The following AGBL4 variants were observed in gnomAD, a reference collection of about 807,000 sequenced individuals.
The protein encoded by AGBL4 is AGBL carboxypeptidase 4.
Under a neutral mutation model 66.4 loss-of-function variants are expected in AGBL4, and 58 were observed. The ratio of observed to expected loss-of-function variants is 0.87; its 90% CI spans 0.71 to 1.09. The LOEUF (loss-of-function observed/expected upper bound fraction) is 1.09, where lower values mean the gene tolerates loss of function less well. Ranked by LOEUF, AGBL4 falls within the 50% of genes least tolerant of loss-of-function variation. AGBL4 has a pLI of 0.00. For missense variants in AGBL4, 579 were observed against 631.0 expected (o/e 0.92, Z 0.88); for synonymous variants, 234 against 222.9 (o/e 1.05, Z -0.44).
chr1:49,832,922 A>G (rs1401035698), intron 2 of AGBL4, among the ~76,000 whole-genome samples: 1 of 151,392 alleles, frequency 6.6e-6, no homozygotes, highest in African/African-American at 2.4e-5. Context: ...GGTTGTGAAA[A>G]TTTTCTCCCA....
At chr1:49,836,178 C>G (rs886946694) in intron 2 of AGBL4, among the ~76,000 whole-genome samples, 1 of 152,172 alleles carries the variant, frequency 6.6e-6, no homozygotes, top group South Asian at 2.1e-4. Flanking sequence ...TGTTTTCCAA[C>G]TTGGTTCCAT....
intron 6 of AGBL4, among the ~76,000 whole-genome samples, chr1:48,851,366 C>T (rs536131032): frequency 1.1e-4 from 16 of 152,284 alleles, no homozygotes; most frequent in African/African-American, 3.9e-4. Flanking sequence ...GTGGGACCAA[C>T]ACGAGCATGT....
chr1:49,413,420 G>A (rs1341964758), intron 3 of AGBL4, among the ~76,000 whole-genome samples: 1 of 152,154 alleles, frequency 6.6e-6, no homozygotes, highest in Non-Finnish European at 1.5e-5. Context: ...AAGTAAAATT[G>A]CATCAGAAAG....
intron 6 of AGBL4, among the ~76,000 whole-genome samples, chr1:48,828,788 T>C (rs566130050): frequency 6.6e-6 from 1 of 152,318 alleles, no homozygotes; most frequent in East Asian, 1.9e-4. Flanking sequence ...TTTTTTCCTC[T>C]CATATTTGAA....
chr1:48,982,979 C>T (rs1201502877), intron 5 of AGBL4, among the ~76,000 whole-genome samples: 1 of 152,068 alleles, frequency 6.6e-6, no homozygotes, highest in African/African-American at 2.4e-5. Flanking sequence ...CAGGGTTTTA[C>T]AAGAGAGTGA....
intron 4 of AGBL4, among the ~76,000 whole-genome samples, chr1:49,184,841 T>A (rs556543195): frequency 6.6e-6 from 1 of 152,282 alleles, no homozygotes; most frequent in African/African-American, 2.4e-5. Flanking sequence ...AGCCTCAATG[T>A]CCTCATATGA....
intron 10 of AGBL4, among the ~76,000 whole-genome samples, chr1:48,588,656 AGTGTGTGTGTGT>A (rs57683318): frequency 1.4e-5 from 2 of 147,516 alleles, no homozygotes; most frequent in Non-Finnish European, 3.0e-5. Context: ...GAAACAGAGA[AGTGTGTGTGTGT>A]GTGTGTGTGT....
intron 4 of AGBL4, among the ~76,000 whole-genome samples, chr1:49,152,541 C>T (rs575256720): frequency 3.9e-5 from 6 of 152,312 alleles, no homozygotes; most frequent in Middle Eastern, 3.4e-3. Context: ...TGAAAGGCTG[C>T]TGAGGTAAAG....
chr1:49,758,984 T>C (rs974592800), intron 2 of AGBL4, among the ~76,000 whole-genome samples: 4 of 152,158 alleles, frequency 2.6e-5, no homozygotes, highest in African/African-American at 9.7e-5. Flanking sequence ...TGAGAGGTGA[T>C]TGGATCATGG....
In AGBL4 at chr1:49,543,898, G is replaced by GA. The variant is rs577842457; in HGVS notation, c.282+153414dup. ...AGTGGTAGAAAGAAGTTCAGCCCTG[G>GA]AAAAAACAAAAAACTGTTGGATCCA... On this transcript the variant is annotated intron_variant, in intron 3 of 13. Transcript: ENST00000371839. 4.6e-5 allele frequency among the ~76,000 whole-genome samples: 7 copies of GA among 152,128 alleles called. No homozygotes were observed. In the East Asian group the frequency reaches 1.2e-3, roughly 25 times the overall value.
intron 4 of AGBL4, among the ~76,000 whole-genome samples, chr1:49,241,032 T>A (rs1210752668): frequency 6.6e-6 from 1 of 152,062 alleles, no homozygotes; most frequent in Non-Finnish European, 1.5e-5. Context: ...CAAAGCTAAA[T>A]TGATTCAATC....
At chr1:48,869,627 C>A (rs1648449013) in intron 5 of AGBL4, among the ~76,000 whole-genome samples, 1 of 152,100 alleles carries the variant, frequency 6.6e-6, no homozygotes, top group Non-Finnish European at 1.5e-5. Context: ...CTGTCTCTGG[C>A]CTCAAACTTG....
At chr1:49,966,368 T>C (rs1388676312) in intron 1 of AGBL4, among the ~76,000 whole-genome samples, 1 of 152,232 alleles carries the variant, frequency 6.6e-6, no homozygotes, top group Admixed American at 6.5e-5. Context: ...GTAACTTAAG[T>C]ACATTGCATA....
intron 3 of AGBL4, among the ~76,000 whole-genome samples, chr1:49,545,697 C>T (rs1652421297): frequency 6.6e-6 from 1 of 152,008 alleles, no homozygotes; most frequent in Non-Finnish European, 1.5e-5. Flanking sequence ...AAAATTTTAG[C>T]ACAGTTCTTG....
intron 2 of AGBL4, among the ~76,000 whole-genome samples, chr1:49,753,117 T>C (rs191860993): frequency 1.3e-5 from 2 of 152,348 alleles, no homozygotes; most frequent in Non-Finnish European, 2.9e-5. Flanking sequence ...CATATGATGC[T>C]AGCTGGTTAC....
chr1:49,898,718 T>G (rs1289426706), intron 1 of AGBL4, among the ~76,000 whole-genome samples: 1 of 152,118 alleles, frequency 6.6e-6, no homozygotes, highest in Non-Finnish European at 1.5e-5. Context: ...GCAACTCAAG[T>G]GCCTGTAAAT....
chr1:49,523,956 CCATCATCATCAT>C (rs201580756), intron 3 of AGBL4, among the ~76,000 whole-genome samples: 5 of 150,984 alleles, frequency 3.3e-5, no homozygotes, highest in South Asian at 4.2e-4. Context: ...AGCATTATCA[CCATCATCATCAT>C]CATCATCATC....
At chr1:49,929,614 T>A (rs1167580576) in intron 1 of AGBL4, among the ~76,000 whole-genome samples, 1 of 151,932 alleles carries the variant, frequency 6.6e-6, no homozygotes, top group Non-Finnish European at 1.5e-5. Context: ...GCTAACAGAA[T>A]TGATCACCAG....
intron 9 of AGBL4, among the ~76,000 whole-genome samples, chr1:48,608,826 GA>G (rs1044435643): frequency 2.0e-4 from 31 of 151,470 alleles, no homozygotes; most frequent in African/African-American, 7.3e-4. Context: ...AAAGTTTGTT[GA>G]AAAAAAACCA....
Sources: gnomAD v4.1 joint callset for allele counts (sites outside exome capture counted in the v4.1 genomes callset) on GRCh38, gnomAD v4.1.1 for gene constraint, MANE v1.5 for transcripts, NCBI Gene and HGNC (gene_info 2026-07-23, HGNC 2026-07-21) for gene names.